ANO2: variants seen among roughly 807,000 people sequenced by gnomAD.
The protein encoded by ANO2 is anoctamin-2.
A neutral mutation model predicts 124.2 loss-of-function variants in ANO2; 101 were observed. The observed-to-expected ratio is 0.81, with a 90% CI of 0.69 to 0.96. ANO2 has a LOEUF of 0.96. ANO2 is among the 40% of genes least tolerant of loss of function. ANO2 has a pLI of 0.00. For missense variants in ANO2, 1,293 were observed against 1,274.5 expected (o/e 1.01, Z -0.22); for synonymous variants, 486 against 482.5 (o/e 1.01, Z -0.09).
rs1449867978 is a variant in ANO2 at position 5,578,430 on chromosome 12, C to T, written c.2322G>A (p.Arg774=). The T allele has an allele frequency of 8.1e-6, 13 of 1,613,818 alleles. No homozygotes were observed. Among genetic ancestry groups the T allele is most frequent in the South Asian group, 6.6e-5 (6 of 91,072 alleles). The change falls in exon 21 of 25, where the codon CGG becomes CGA. Residue 774 remains arginine (R), a synonymous_variant. Coordinates refer to ENST00000682330, the MANE Select transcript of ANO2 (RefSeq NM_001364791.2). The stretch of plus-strand genomic sequence containing the variant: ...CTGTAACAAACTTCTTTGCATCGAG[C>T]CGCACTTCAATGACGTTGTTGAGGA... ...FALLNNVIEV[R]LDAKKFVTEL... is the part of the protein sequence containing the mutation.
intron 7 of ANO2, among the ~76,000 whole-genome samples, chr12:5,818,351 T>A (rs1183667540): frequency 6.6e-6 from 1 of 151,114 alleles, no homozygotes; most frequent in Non-Finnish European, 1.5e-5. Context: ...AACATCGGAC[T>A]CCAAGTTCTT....
At chr12:5,578,273 G>A in intron 21 of ANO2, 93 bp downstream of exon 21, 1 of 1,500,736 alleles carries the variant, frequency 6.7e-7, no homozygotes, top group Non-Finnish European at 9.0e-7. Flanking sequence ...GGCTTTCCCA[G>A]CCCTCTTGAT....
chr12:5,654,570 A>AT (rs1947068182), intron 14 of ANO2, among the ~76,000 whole-genome samples: 2 of 152,240 alleles, frequency 1.3e-5, no homozygotes, highest in South Asian at 4.2e-4. Flanking sequence ...CCATTCAGCC[A>AT]TAAGGACTTG....
At chr12:5,727,342 G>A (rs1339784751) in intron 14 of ANO2, among the ~76,000 whole-genome samples, 2 of 151,908 alleles carry the variant, frequency 1.3e-5, no homozygotes, top group Non-Finnish European at 1.5e-5. Flanking sequence ...TAAACTTCCT[G>A]AGGCCTCCTT....
Position 5,923,968 on chromosome 12 carries a change from GTGAGAA to G in ANO2, c.23-1170_23-1165del, listed in dbSNP as rs368110703. Among the ~76,000 whole-genome samples, 151 of 152,352 alleles carry G rather than the reference GTGAGAA, an allele frequency of 9.9e-4. 1 individual carries two copies. Among genetic ancestry groups the G allele is most frequent in the African/African-American group, 3.6e-3 (148 of 41,582 alleles). Reference sequence around the variant, plus strand: ...AGAATCTCAAACTTGCAGGATTGCAGTGAGAATGAGAATAAGATAATGCCTGCAAAG... The same window carrying G: ...AGAATCTCAAACTTGCAGGATTGCAGTGAGAATAAGATAATGCCTGCAAAG... On this transcript the variant is annotated intron_variant, in intron 1 of 24. Coordinates refer to ENST00000682330, the MANE Select transcript of ANO2 (RefSeq NM_001364791.2).
intron 14 of ANO2, among the ~76,000 whole-genome samples, chr12:5,675,199 G>A (rs746389968): frequency 2.6e-5 from 4 of 152,154 alleles, no homozygotes; most frequent in East Asian, 3.9e-4. Flanking sequence ...TTCCTGCTCC[G>A]TTTCCACAGA....
chr12:5,590,617 G>A (rs2136867413), intron 20 of ANO2, among the ~76,000 whole-genome samples: 1 of 152,314 alleles, frequency 6.6e-6, no homozygotes, highest in South Asian at 2.1e-4. Flanking sequence ...ATCCAGTTCA[G>A]AGTTTGCTTG....
intron 23 of ANO2, among the ~76,000 whole-genome samples, chr12:5,571,272 T>C (rs1247876816): frequency 6.6e-6 from 1 of 152,242 alleles, no homozygotes. Flanking sequence ...CCTTCGACCC[T>C]GTCAAATGCT....
intron 23 of ANO2, among the ~76,000 whole-genome samples, chr12:5,570,317 A>G (rs1032936617): frequency 6.6e-6 from 1 of 152,328 alleles, no homozygotes; most frequent in East Asian, 1.9e-4. Flanking sequence ...ACCCGTAAGT[A>G]TCACCCTATT....
At chr12:5,916,637 G>T (rs1941396764) in intron 3 of ANO2, among the ~76,000 whole-genome samples, 1 of 150,168 alleles carries the variant, frequency 6.7e-6, no homozygotes, top group South Asian at 2.1e-4. Flanking sequence ...AGGAAACTGG[G>T]AATGGGGTAG....
chr12:5,695,101 G>A (rs1274722926), intron 14 of ANO2, among the ~76,000 whole-genome samples: 1 of 152,080 alleles, frequency 6.6e-6, no homozygotes, highest in Non-Finnish European at 1.5e-5. Context: ...AGATTTTTCT[G>A]ATATTCCATG....
intron 3 of ANO2, among the ~76,000 whole-genome samples, chr12:5,887,880 A>G (rs1482052142): frequency 3.3e-5 from 5 of 150,304 alleles, no homozygotes; most frequent in Non-Finnish European, 7.4e-5. Flanking sequence ...TATGAGAGAG[A>G]GAAGAAACCT....
rs148742844 is a variant in ANO2 at position 5,806,995 on chromosome 12, T to C, written c.948+318A>G. On this transcript the variant is annotated intron_variant, in intron 8 of 24. Coordinates refer to ENST00000682330, the MANE Select transcript of ANO2 (RefSeq NM_001364791.2). ...CACCCTCATCAATATCTCCTCCCTT[T>C]AATCACCTCATGCCACATCTGTATA... Among the ~76,000 whole-genome samples, 1,403 of 152,258 alleles carry C rather than the reference T, an allele frequency of 9.2e-3. 23 individuals carry two copies. The highest frequency in any genetic ancestry group is 0.033 in the African/African-American group (1,350 of 41,524).
intron 14 of ANO2, among the ~76,000 whole-genome samples, chr12:5,649,395 G>A (rs1443411496): frequency 3.3e-5 from 5 of 152,162 alleles, no homozygotes; most frequent in Non-Finnish European, 5.9e-5. Context: ...AGCCCAACAG[G>A]CTTTCCATCA....
intron 9 of ANO2, among the ~76,000 whole-genome samples, chr12:5,802,448 C>G (rs1246011213): frequency 1.3e-5 from 2 of 152,248 alleles, no homozygotes; most frequent in African/African-American, 4.8e-5. Context: ...GGCCAGCTCA[C>G]ACGCCTTCTG....
intron 3 of ANO2, among the ~76,000 whole-genome samples, chr12:5,891,496 A>G (rs1939398779): frequency 6.6e-6 from 1 of 152,194 alleles, no homozygotes; most frequent in Non-Finnish European, 1.5e-5. Context: ...GATGGCAAAG[A>G]GGGTCTCAGG....
At chr12:5,886,220 A>G (rs1938891382) in intron 3 of ANO2, among the ~76,000 whole-genome samples, 1 of 151,528 alleles carries the variant, frequency 6.6e-6, no homozygotes, top group African/African-American at 2.5e-5. Context: ...GCCAAGGCAA[A>G]TGGAAGCAAG....
rs554310871 is a variant in ANO2, at chr12:5,908,411, A to G, written c.534+12629T>C. ...ATCAATTCCTGAGTGGAAACTCAAC[A>G]AGGCAGTAATACGAACACCAGCAGT... On this transcript the variant is annotated intron_variant, in intron 3 of 24. Transcript: ENST00000682330. The surrounding 1 kb of genome is among the most constrained non-coding windows in gnomAD (Gnocchi z 4.7). Among the ~76,000 whole-genome samples, 1,730 of 152,300 alleles carry G rather than the reference A, an allele frequency of 0.011. 35 individuals carry two copies. The highest frequency in any genetic ancestry group is 0.039 in the African/African-American group (1,638 of 41,556).
chr12:5,934,961 C>T (rs1025826973), intron 1 of ANO2, among the ~76,000 whole-genome samples: 1 of 152,186 alleles, frequency 6.6e-6, no homozygotes, highest in Non-Finnish European at 1.5e-5. Flanking sequence ...TCATAGCTCC[C>T]ACTCTCAGGC....
Sources: gnomAD v4.1 joint callset for allele counts (sites outside exome capture counted in the v4.1 genomes callset) on GRCh38, gnomAD v4.1.1 for gene constraint, Gnocchi (gnomAD v3.1) non-coding constraint, MANE v1.5 for transcripts, NCBI Gene and HGNC (gene_info 2026-07-23, HGNC 2026-07-21) for gene names.